The following KATNIP variants were observed in gnomAD, a reference collection of about 807,000 sequenced individuals.
KATNIP encodes katanin-interacting protein.
KATNIP carries 126 observed loss-of-function variants against 174.0 expected under a neutral mutation model. The observed-to-expected ratio is 0.72, with a 90% CI of 0.63 to 0.84. The LOEUF is 0.84. Ranked by LOEUF, KATNIP falls within the 40% of genes least tolerant of loss-of-function variation. KATNIP has a pLI of 0.00. For missense variants in KATNIP, 1,958 were observed against 2,109.7 expected, an observed-to-expected ratio of 0.93 and a Z score of 1.41; for synonymous variants, 810 against 835.7, an observed-to-expected ratio of 0.97 and a Z score of 0.53.
chr16:27,773,131 G>A lies in KATNIP; in HGVS notation c.4231G>A (p.Gly1411Ser), dbSNP rs751156787. ...IFQFQLLTSW[G>S]DPYYIGLTGL... is the part of the protein sequence containing the mutation. The stretch of plus-strand genomic sequence containing the variant: ...CCAGTTTCAGCTTCTCACCAGCTGG[G>A]GCGACCCCTACTACATCGGCCTCAC... Residue 1411 changes from glycine to serine, a missense_variant, in exon 23 of 28, where the codon GGC becomes AGC. By Grantham distance (56) the Gly-to-Ser change is moderately conservative. Around this residue, in one of 3 missense-constraint regions of KATNIP, gnomAD observed 383 missense variants for 456.0 expected, o/e 0.84. Coordinates refer to ENST00000261588, the MANE Select transcript of KATNIP (RefSeq NM_015202.5). 5.6e-5 allele frequency: 91 copies of A among 1,612,220 alleles called. No homozygotes were observed. The highest frequency in any genetic ancestry group is 7.0e-5 in the Non-Finnish European group (82 of 1,179,210).
chr16:27,737,214 C>T (rs112113689), intron 14 of KATNIP, among the ~76,000 whole-genome samples: 1 of 150,874 alleles, frequency 6.6e-6, no homozygotes, highest in Non-Finnish European at 1.5e-5. Context: ...CCCGTCTCTA[C>T]AAAAAAAAAT....
Position 27,706,363 on chromosome 16 carries a change from G to A in KATNIP, c.1390-2342G>A, listed in dbSNP as rs1184286108. Among the ~76,000 whole-genome samples the A allele has an allele frequency of 7.9e-5, 12 of 152,318 alleles. No individual in the cohort carries two copies. The East Asian group carries it at 1.9e-3, about 24-fold the overall frequency. ...AGCTGCTCCCTTCTGGCAGCCGAGGGGACAGGACACATTGCTTCCTTGGAC... is the reference window on the plus strand; with the variant it reads ...AGCTGCTCCCTTCTGGCAGCCGAGGAGACAGGACACATTGCTTCCTTGGAC... On this transcript the variant is annotated intron_variant, in intron 12 of 27. Transcript: ENST00000261588.
At chr16:27,634,050 TCTTCTA>T (rs1414960208) in intron 5 of KATNIP, among the ~76,000 whole-genome samples, 2 of 152,182 alleles carry the variant, frequency 1.3e-5, no homozygotes, top group Non-Finnish European at 2.9e-5. Context: ...TTAAGACAGT[TCTTCTA>T]CTTGTTTTGA....
intron 2 of KATNIP, among the ~76,000 whole-genome samples, chr16:27,614,000 T>C (rs1374261855): frequency 6.6e-6 from 1 of 152,074 alleles, no homozygotes; most frequent in East Asian, 1.9e-4. Context: ...CACTGTAACC[T>C]TGAACTCCTG....
intron 1 of KATNIP, among the ~76,000 whole-genome samples, chr16:27,558,364 C>T (rs981795781): frequency 2.2e-4 from 34 of 152,184 alleles, no homozygotes; most frequent in Admixed American, 7.2e-4. Flanking sequence ...AGGCTGGTTT[C>T]GAACTCCTGA....
chr16:27,745,491 G>T (rs906391580), intron 15 of KATNIP, among the ~76,000 whole-genome samples: 16 of 152,232 alleles, frequency 1.1e-4, no homozygotes, highest in African/African-American at 3.9e-4. Flanking sequence ...AAAGTCTCAG[G>T]GGAGAAGCCA....
intron 2 of KATNIP, among the ~76,000 whole-genome samples, chr16:27,603,412 T>C (rs1388925934): frequency 6.6e-6 from 1 of 152,188 alleles, no homozygotes; most frequent in Admixed American, 6.5e-5. Context: ...ACCAAGGGCA[T>C]TTTGGAGGTG....
At chr16:27,772,258 C>T (rs900769089) in intron 22 of KATNIP, among the ~76,000 whole-genome samples, 2 of 152,166 alleles carry the variant, frequency 1.3e-5, no homozygotes, top group Admixed American at 6.5e-5. Context: ...GGCAGCAGAG[C>T]CCAGCACTCT....
At position 27,752,420 on chromosome 16, in the gene KATNIP, A is replaced by G. The variant is rs554104259; in HGVS notation, c.3552+496A>G. ...AACCCTCTGAGTAGAGACTATTAAC[A>G]TTGCCATTTCGGAAACTGATGCTCA... On this transcript the variant is annotated intron_variant, in intron 17 of 27. Coordinates refer to ENST00000261588, the MANE Select transcript of KATNIP (RefSeq NM_015202.5). 3.9e-5 allele frequency among the ~76,000 whole-genome samples: 6 copies of G among 152,362 alleles called. No individual in the cohort carries two copies. In the South Asian group the frequency reaches 8.3e-4, roughly 21 times the overall value.
At chr16:27,574,160 A>G in intron 2 of KATNIP, 2 of 571,916 alleles carry the variant, frequency 3.5e-6, no homozygotes, top group Non-Finnish European at 6.3e-6. Flanking sequence ...ACTTGTAATA[A>G]TCATCTCTGA....
At chr16:27,608,329 C>G (rs914218320) in intron 2 of KATNIP, among the ~76,000 whole-genome samples, 1 of 146,794 alleles carries the variant, frequency 6.8e-6, no homozygotes, top group Non-Finnish European at 1.5e-5. Context: ...CTCCTGGACT[C>G]AAGCCATCCT....
rs1272182541 is a variant in KATNIP at position 27,637,135 on chromosome 16, GTGCCTGGCACA to G, written c.408+5974_408+5984del. 6.6e-6 allele frequency among the ~76,000 whole-genome samples: 1 copy of G among 152,248 alleles called. No individual in the cohort carries two copies. Among genetic ancestry groups the G allele is most frequent in the East Asian group, 1.9e-4 (1 of 5,192 alleles). On this transcript the variant is annotated intron_variant, in intron 5 of 27. Transcript: ENST00000261588. This position sits in a 1 kb window ranked among gnomAD's most constrained non-coding sequence, Gnocchi z 4.7. ...CTGTGTTTGGAGAGAAGCTGAAGCA[GTGCCTGGCACA>G]GGAGAAATAGTGAATGGTGCTGCCT...
intron 5 of KATNIP, among the ~76,000 whole-genome samples, chr16:27,648,111 G>A (rs952405514): frequency 3.3e-5 from 5 of 152,030 alleles, no homozygotes; most frequent in Admixed American, 6.6e-5. Context: ...CCTGGCCAAC[G>A]TGGCAAAACC....
chr16:27,630,027 A>G (rs1359651549), intron 4 of KATNIP, among the ~76,000 whole-genome samples: 4 of 152,164 alleles, frequency 2.6e-5, no homozygotes. Context: ...TAAATAAATA[A>G]ATATTTAAAA....
chr16:27,602,282 G>A (rs1301100009), intron 2 of KATNIP, among the ~76,000 whole-genome samples: 4 of 152,172 alleles, frequency 2.6e-5, no homozygotes, highest in Non-Finnish European at 5.9e-5. Context: ...TTGAAAGGAT[G>A]TCAGGTCTGC....
intron 6 of KATNIP, among the ~76,000 whole-genome samples, chr16:27,658,947 A>G (rs966309534): frequency 1.3e-5 from 2 of 149,564 alleles, no homozygotes; most frequent in African/African-American, 4.9e-5. Flanking sequence ...TTTTTTTCCC[A>G]GTAGAGACGG....
chr16:27,712,840 C>T (rs984334105), intron 13 of KATNIP, among the ~76,000 whole-genome samples: 1 of 152,156 alleles, frequency 6.6e-6, no homozygotes, highest in Non-Finnish European at 1.5e-5. Context: ...GGGTCTTGCT[C>T]TGTTGCCCAG....
At chr16:27,654,595 T>G (rs780931771) in intron 6 of KATNIP, 1 of 1,352,004 alleles carries the variant, frequency 7.4e-7, no homozygotes, top group Admixed American at 1.9e-5. Context: ...CAGTTTTCTG[T>G]GCTTGTCCCT....
At chr16:27,572,799 A>G (rs2090357274) in intron 1 of KATNIP, among the ~76,000 whole-genome samples, 1 of 152,214 alleles carries the variant, frequency 6.6e-6, no homozygotes, top group Admixed American at 6.5e-5. Flanking sequence ...ATGATACTGT[A>G]TGATCCATGC....
Sources: allele counts gnomAD v4.1 joint callset (sites outside exome capture counted in the v4.1 genomes callset), GRCh38; gene constraint gnomAD v4.1.1; regional missense constraint gnomAD v4.1.1; non-coding constraint Gnocchi (gnomAD v3.1); transcripts MANE v1.5; gene names NCBI Gene and HGNC (gene_info 2026-07-23, HGNC 2026-07-21).